Variants in CTNNA2 observed in about 807,000 individuals in gnomAD.
CTNNA2 encodes catenin alpha-2.
A neutral mutation model predicts 101.0 loss-of-function variants in CTNNA2; 42 were observed. The observed-to-expected ratio is 0.42, with a 90% CI of 0.32 to 0.54. CTNNA2 has a LOEUF of 0.54. CTNNA2 is among the 20% of genes least tolerant of loss of function. The probability of loss-of-function intolerance (pLI) is 0.14; values close to 1 mark genes in which losing one functional copy is unlikely to be tolerated. For synonymous variants in CTNNA2, 450 were observed against 456.4 expected (o/e 0.99, Z 0.18); for missense variants, 871 against 1,223.1 (o/e 0.71, Z 4.29).
At chr2:79,534,089 G>A (rs1307767541) in intron 1 of CTNNA2, among the ~76,000 whole-genome samples, 1 of 152,016 alleles carries the variant, frequency 6.6e-6, no homozygotes, top group African/African-American at 2.4e-5. Flanking sequence ...TGTGATGTAT[G>A]TTGTTTGCAT....
intron 7 of CTNNA2, among the ~76,000 whole-genome samples, chr2:80,036,579 T>C (rs1695664612): frequency 6.6e-6 from 1 of 152,074 alleles, no homozygotes; most frequent in Non-Finnish European, 1.5e-5. Flanking sequence ...TACTTTAGCC[T>C]GGGCAACAGA....
At chr2:79,589,485 C>T (rs1371652452) in intron 1 of CTNNA2, among the ~76,000 whole-genome samples, 1 of 151,692 alleles carries the variant, frequency 6.6e-6, no homozygotes, top group Non-Finnish European at 1.5e-5. Flanking sequence ...TTTAAAAATT[C>T]ATTAGCCTCC....
intron 7 of CTNNA2, among the ~76,000 whole-genome samples, chr2:80,271,583 G>A (rs558530751): frequency 1.7e-4 from 26 of 152,194 alleles, no homozygotes; most frequent in African/African-American, 6.0e-4. Flanking sequence ...CACCACGCCA[G>A]GCTAATTTTT....
chr2:79,789,800 C>G lies in CTNNA2; in HGVS notation c.298+45218C>G, dbSNP rs113696933. On this transcript the variant is annotated intron_variant, in intron 3 of 18. Transcript: ENST00000402739. Reference sequence around the variant, plus strand: ...AAGACTGTGATGGTGAGAGGAGAGTCAAGACTTCTGGGAAGATGGCATATT... The same window carrying G: ...AAGACTGTGATGGTGAGAGGAGAGTGAAGACTTCTGGGAAGATGGCATATT... Among the ~76,000 whole-genome samples the G allele has an allele frequency of 2.2e-3, 337 of 152,048 alleles. 2 individuals are homozygous for G. Among genetic ancestry groups the G allele is most frequent in the Admixed American group, 3.1e-3 (47 of 15,244 alleles).
At chr2:80,181,926 A>T (rs1461684895) in intron 7 of CTNNA2, among the ~76,000 whole-genome samples, 1 of 152,182 alleles carries the variant, frequency 6.6e-6, no homozygotes, top group Admixed American at 6.5e-5. Flanking sequence ...AAGCCCCCAA[A>T]TCAACTAAAG....
intron 18 of CTNNA2, among the ~76,000 whole-genome samples, chr2:80,627,185 G>C (rs1331525862): frequency 6.6e-6 from 1 of 152,076 alleles, no homozygotes; most frequent in African/African-American, 2.4e-5. Flanking sequence ...ACGTGTGTGT[G>C]TGTGTCTTTA....
At chr2:79,587,931 T>A (rs1676601195) in intron 1 of CTNNA2, among the ~76,000 whole-genome samples, 1 of 152,206 alleles carries the variant, frequency 6.6e-6, no homozygotes, top group South Asian at 2.1e-4. Flanking sequence ...TCTTAATTTT[T>A]TTTTAGTCTT....
chr2:80,063,410 T>C (rs1278408010), intron 7 of CTNNA2, among the ~76,000 whole-genome samples: 2 of 152,168 alleles, frequency 1.3e-5, no homozygotes, highest in South Asian at 2.1e-4. Context: ...ATGCAATAGA[T>C]TCTCAAAAAC....
At chr2:79,934,325 A>G (rs986484475) in intron 7 of CTNNA2, among the ~76,000 whole-genome samples, 5 of 152,266 alleles carry the variant, frequency 3.3e-5, no homozygotes, top group African/African-American at 1.2e-4. Context: ...CTTTTGCACC[A>G]ATCTAATAAT....
intron 6 of CTNNA2, among the ~76,000 whole-genome samples, chr2:79,879,939 G>T (rs563122685): frequency 1.3e-5 from 2 of 152,238 alleles, no homozygotes; most frequent in South Asian, 4.1e-4. Context: ...CATTCAATAT[G>T]ATATTGGTTG....
intron 9 of CTNNA2, among the ~76,000 whole-genome samples, chr2:80,496,834 C>A (rs921561524): frequency 6.6e-6 from 1 of 152,108 alleles, no homozygotes; most frequent in Non-Finnish European, 1.5e-5. Context: ...CTCTTTATAT[C>A]CTGGACATTT....
intron 1 of CTNNA2, among the ~76,000 whole-genome samples, chr2:79,588,687 GGAAA>G (rs1311274746): frequency 6.6e-6 from 1 of 151,966 alleles, no homozygotes; most frequent in Non-Finnish European, 1.5e-5. Flanking sequence ...TCACTGAGGA[GGAAA>G]AAGGATGGGA....
At chr2:79,478,464 C>T (rs1573185116) in intron 4 of CTNNA2, among the ~76,000 whole-genome samples, 1 of 152,126 alleles carries the variant, frequency 6.6e-6, no homozygotes, top group Non-Finnish European at 1.5e-5. Context: ...TGGCTAACTT[C>T]GTCGATGATC....
chr2:80,447,172 G>C (rs1683139592), intron 9 of CTNNA2, among the ~76,000 whole-genome samples: 1 of 152,132 alleles, frequency 6.6e-6, no homozygotes, highest in Non-Finnish European at 1.5e-5. Context: ...AGAAGGGAAT[G>C]ATTAGTAGTC....
At chr2:79,493,320 G>T (rs767337330) in intron 4 of CTNNA2, among the ~76,000 whole-genome samples, 1 of 152,096 alleles carries the variant, frequency 6.6e-6, no homozygotes, top group Non-Finnish European at 1.5e-5. Context: ...ATTTACTAGT[G>T]ACATAATCTG....
chr2:79,601,144 T>C (rs936375917), intron 1 of CTNNA2, among the ~76,000 whole-genome samples: 5 of 152,172 alleles, frequency 3.3e-5, no homozygotes, highest in Admixed American at 3.3e-4. Flanking sequence ...TTGTCAATTA[T>C]TATGGGAAGA....
intron 4 of CTNNA2, among the ~76,000 whole-genome samples, chr2:79,378,710 A>T (rs988213708): frequency 4.6e-5 from 7 of 152,202 alleles, no homozygotes; most frequent in African/African-American, 1.4e-4. Context: ...ATACATTTAC[A>T]TGAGGTGCTT....
chr2:79,667,817 G>A (rs1456200294), intron 2 of CTNNA2, among the ~76,000 whole-genome samples: 1 of 152,194 alleles, frequency 6.6e-6, no homozygotes, highest in Non-Finnish European at 1.5e-5. Context: ...ATGTATTCAG[G>A]TTTGCACAGC....
chr2:80,117,319 A>G (rs1047654999), intron 7 of CTNNA2, among the ~76,000 whole-genome samples: 4 of 152,176 alleles, frequency 2.6e-5, no homozygotes, highest in African/African-American at 9.7e-5. Flanking sequence ...CCTCAAGGGC[A>G]CATAGTTTAC....
Sources: allele counts gnomAD v4.1 joint callset (sites outside exome capture counted in the v4.1 genomes callset), GRCh38; gene constraint gnomAD v4.1.1; transcripts MANE v1.5; gene names NCBI Gene and HGNC (gene_info 2026-07-23, HGNC 2026-07-21).